The following CCDC77 variants were observed in gnomAD, a reference collection of about 807,000 sequenced individuals.
The protein encoded by CCDC77 is coiled-coil domain containing 77.
A neutral mutation model predicts 66.8 loss-of-function variants in CCDC77; 56 were observed. That is an observed-to-expected ratio of 0.84 (90% CI 0.68 to 1.05). CCDC77 has a LOEUF of 1.05. CCDC77 is among the 50% of genes least tolerant of loss of function. CCDC77 has a pLI of 0.00. For missense variants in CCDC77, 570 were observed against 576.8 expected (o/e 0.99, Z 0.12); for synonymous variants, 196 against 195.2 (o/e 1.00, Z -0.03).
Position 428,840 on chromosome 12 carries a change from AT to A in CCDC77, c.490del (p.Cys164ValfsTer18). ...LVGTDAGEVT[Y>X]FCKEPPHKVT... The stretch of plus-strand genomic sequence containing the variant: ...GGAACAGATGCTGGAGAAGTGACCT[AT>A]TTTTGTAAGGAGCCTCCTCACAAAG... On this transcript the variant is annotated frameshift_variant, in exon 6 of 13. Transcript: ENST00000239830. LOFTEE classifies it high-confidence loss of function. 1 of 1,612,252 alleles carries A rather than the reference AT, an allele frequency of 6.2e-7. No homozygotes were observed. The highest frequency in any genetic ancestry group is 8.5e-7 in the Non-Finnish European group (1 of 1,178,942).
chr12:392,437 C>T lies in CCDC77; in HGVS notation c.-113+2951C>T, dbSNP rs778311088. On this transcript the variant is annotated intron_variant, in intron 1 of 11. Coordinates refer to the CCDC77 transcript ENST00000422000. ...TTCTCAAACTGTTTTGGTGTCAGGA[C>T]GCCTTTACTCTTAAAAATTATTGAG... Among the ~76,000 whole-genome samples the T allele has an allele frequency of 1.5e-4, 23 of 152,030 alleles. 1 individual carries two copies. The highest frequency in any genetic ancestry group is 7.2e-4 in the Admixed American group (11 of 15,256).
intron 1 of CCDC77, among the ~76,000 whole-genome samples, chr12:403,608 T>G (rs1469557145): frequency 1.3e-5 from 2 of 152,218 alleles, no homozygotes; most frequent in Non-Finnish European, 2.9e-5. Context: ...ATCCTCTGCC[T>G]CAGCCTCCTG....
chr12:391,807 A>C (rs1466005918), intron 1 of CCDC77, among the ~76,000 whole-genome samples: 2 of 152,260 alleles, frequency 1.3e-5, no homozygotes, highest in African/African-American at 2.4e-5. Flanking sequence ...ACTTCTGAGA[A>C]ATCTGTAGTG....
intron 4 of CCDC77, among the ~76,000 whole-genome samples, chr12:413,853 C>T (rs1306140940): frequency 6.6e-6 from 1 of 151,466 alleles, no homozygotes; most frequent in African/African-American, 2.4e-5. Context: ...GTCTCAAACA[C>T]CTGAGTTCAG....
At chr12:436,644 GTTT>G (rs1338962737) in intron 9 of CCDC77, 2 of 369,392 alleles carry the variant, frequency 5.4e-6, no homozygotes, top group East Asian at 3.3e-4. Context: ...AATGGGTTTT[GTTT>G]TTAAGGAACA....
intron 5 of CCDC77, among the ~76,000 whole-genome samples, chr12:425,176 C>T (rs1158743389): frequency 6.6e-6 from 1 of 151,576 alleles, no homozygotes; most frequent in Non-Finnish European, 1.5e-5. Flanking sequence ...AGCAATCTGC[C>T]CTCCTCAGCC....
Position 438,555 on chromosome 12 carries a change from G to A in CCDC77, c.1041+1G>A, listed in dbSNP as rs1427580249. 3 of 1,601,538 alleles carry A rather than the reference G, an allele frequency of 1.9e-6. No homozygotes were observed. Among genetic ancestry groups the A allele is most frequent in the Non-Finnish European group, 2.6e-6 (3 of 1,170,848 alleles). On this transcript the variant is annotated splice_donor_variant, in intron 10 of 12. Coordinates refer to ENST00000239830, the MANE Select transcript of CCDC77 (RefSeq NM_032358.4). LOFTEE classifies it high-confidence loss of function. ...CCATGCTCAAAGTGAATATATTAAG[G>A]TAATGTCCTTATGTCGTAACGAAGT...
chr12:416,405 A>C lies in CCDC77; in HGVS notation c.271-2089A>C, dbSNP rs150895104. Reference sequence around the variant, plus strand: ...TATATATATATATATATATATATATATATATATATATTTCTTTTTTTTTTT... The same window carrying C: ...TATATATATATATATATATATATATCTATATATATATTTCTTTTTTTTTTT... On this transcript the variant is annotated intron_variant, in intron 4 of 12. Transcript: ENST00000239830. 2.6e-4 allele frequency among the ~76,000 whole-genome samples: 14 copies of C among 54,332 alleles called. 1 individual carries two copies. Among genetic ancestry groups the C allele is most frequent in the African/African-American group, 8.6e-4 (12 of 14,014 alleles). The allele number at this position is 54,332 out of a possible 152,430, so 35.6% of individuals were successfully genotyped here. A position where few individuals can be genotyped will look rare whatever the true frequency, so the allele number is the denominator to read the frequency against.
intron 1 of CCDC77, chr12:389,653 T>G (rs1591948778): frequency 5.9e-6 from 1 of 168,538 alleles, no homozygotes; most frequent in East Asian, 9.6e-5. Flanking sequence ...GGGCAGAGGT[T>G]GTGCTTCCGG....
At chr12:418,836 A>T in intron 5 of CCDC77, 200 bp downstream of exon 5, 1 of 564,050 alleles carries the variant, frequency 1.8e-6, no homozygotes, top group South Asian at 2.0e-5. Flanking sequence ...GTAGCTGGGA[A>T]CACAGGTGTG....
At chr12:440,813 T>G (rs770167714) in intron 11 of CCDC77, 31 bp from the exon 12 acceptor site, 7 of 1,613,086 alleles carry the variant, frequency 4.3e-6, no homozygotes, top group Non-Finnish European at 5.9e-6. Context: ...TCCCTCACCT[T>G]CGTAAATGCC....
chr12:404,897 T>G (rs1489045588), intron 1 of CCDC77, among the ~76,000 whole-genome samples: 1 of 151,996 alleles, frequency 6.6e-6, no homozygotes, highest in African/African-American at 2.4e-5. Context: ...TAACTTTGTA[T>G]TTTTAGTAGA....
At chr12:416,347 GT>G (rs1945264906) in intron 4 of CCDC77, among the ~76,000 whole-genome samples, 4 of 28,340 alleles carry the variant, frequency 1.4e-4, no homozygotes, top group South Asian at 2.0e-3. Flanking sequence ...GTGTGGGGGT[GT>G]GTGTGTGTGT....
At chr12:397,256 G>A (rs1333225004), upstream of CCDC77, among the ~76,000 whole-genome samples, 1 of 152,096 alleles carries the variant, frequency 6.6e-6, no homozygotes, top group Non-Finnish European at 1.5e-5. Context: ...TAGACCAAGT[G>A]AAAGGTAATA....
chr12:440,601 TC>T lies in CCDC77; in HGVS notation c.1042-13del. On this transcript the variant is annotated splice_polypyrimidine_tract_variant and intron_variant, in intron 10 of 12. Coordinates refer to ENST00000239830, the MANE Select transcript of CCDC77 (RefSeq NM_032358.4). ...TAGAACTGAGTGTTAATGTTTTTTG[TC>T]CCTTTGACTTGTAGTCCCTAAAAGA... 6.2e-7 allele frequency: 1 copy of T among 1,612,998 alleles called. No individual in the cohort carries two copies. The highest frequency in any genetic ancestry group is 1.1e-5 in the South Asian group (1 of 90,938).
Position 412,066 on chromosome 12 carries a change from A to T in CCDC77, c.270+88A>T, listed in dbSNP as rs1945122924. Reference sequence around the variant, plus strand: ...ACAAGTGCCAGTTTATATCAGAAGCAGATGTTTTATAAAAATACTCCTTTT... The same window carrying T: ...ACAAGTGCCAGTTTATATCAGAAGCTGATGTTTTATAAAAATACTCCTTTT... On this transcript the variant is annotated intron_variant, in intron 4 of 12. Coordinates refer to ENST00000239830, the MANE Select transcript of CCDC77 (RefSeq NM_032358.4). 5 of 965,802 alleles carry T rather than the reference A, an allele frequency of 5.2e-6. No individual in the cohort carries two copies. The East Asian group carries it at 1.3e-4, about 24-fold the overall frequency. The allele number at this position is 965,802 out of a possible 1,614,324, so 59.8% of individuals were successfully genotyped here. A position where few individuals can be genotyped will look rare whatever the true frequency, so the allele number is the denominator to read the frequency against.
upstream of CCDC77, among the ~76,000 whole-genome samples, chr12:397,177 G>T (rs568515993): frequency 6.6e-5 from 10 of 152,270 alleles, no homozygotes; most frequent in East Asian, 1.7e-3. Context: ...TTCAAGACCA[G>T]CCTGGACAAA....
chr12:438,529 A>G lies in CCDC77; in HGVS notation c.1016A>G (p.His339Arg). Reference protein sequence around the residue: ...GKVLPVMHESHHAQSEYIKSL... With the variant: ...GKVLPVMHESRHAQSEYIKSL... Reference sequence around the variant, plus strand: ...GTGTTGCCCGTTATGCATGAGAGTCACCATGCTCAAAGTGAATATATTAAG... The same window carrying G: ...GTGTTGCCCGTTATGCATGAGAGTCGCCATGCTCAAAGTGAATATATTAAG... Residue 339 changes from histidine (H) to arginine (R), a missense_variant, in exon 10 of 13, where the codon CAC (histidine) becomes CGC (arginine). His to Arg is a conservative substitution (Grantham distance 29, BLOSUM62 0). Transcript: ENST00000239830. The G allele has an allele frequency of 9.3e-6, 15 of 1,612,112 alleles. No individual in the cohort carries two copies. The highest frequency in any genetic ancestry group is 1.3e-5 in the Non-Finnish European group (15 of 1,178,362).
At chr12:422,954 T>C (rs1007401536) in intron 5 of CCDC77, among the ~76,000 whole-genome samples, 3 of 152,098 alleles carry the variant, frequency 2.0e-5, no homozygotes, top group Admixed American at 1.3e-4. Flanking sequence ...TACCCAGCAG[T>C]AGATCACATT....
Sources: allele counts gnomAD v4.1 joint callset (sites outside exome capture counted in the v4.1 genomes callset), GRCh38; gene constraint gnomAD v4.1.1; transcripts MANE v1.5; gene names NCBI Gene and HGNC (gene_info 2026-07-23, HGNC 2026-07-21).